Variants in HTT observed in about 807,000 individuals in gnomAD.
HTT encodes the protein huntingtin.
In HTT, 104 loss-of-function variants were observed where a neutral mutation model predicts 362.3. The observed-to-expected ratio is 0.29, with a 90% confidence interval of 0.24 to 0.34. The LOEUF (loss-of-function observed/expected upper bound fraction) is 0.34, where lower values mean the gene tolerates loss of function less well. Among genes scored for constraint, HTT ranks in the 10% least tolerant of loss-of-function variants. The pLI, the probability that HTT is intolerant of heterozygous loss-of-function variation, is 1.00. For missense variants in HTT, 3,301 were observed against 3,928.6 expected (o/e 0.84, Z 4.27); for synonymous variants, 1,577 against 1,548.7 (o/e 1.02, Z -0.43).
At chr4:3,169,664 C>T (rs763666827) in intron 29 of HTT, among the ~76,000 whole-genome samples, 1 of 152,000 alleles carries the variant, frequency 6.6e-6, no homozygotes, top group Non-Finnish European at 1.5e-5. Flanking sequence ...ACCTCCACCT[C>T]CCAGGCTCAA....
intron 35 of HTT, among the ~76,000 whole-genome samples, chr4:3,179,431 A>G (rs1718392025): frequency 6.6e-6 from 1 of 152,008 alleles, no homozygotes; most frequent in African/African-American, 2.4e-5. Context: ...CAGAGAGTAT[A>G]CCCATGCGTG....
At chr4:3,122,354 C>T (rs1019600984) in intron 9 of HTT, among the ~76,000 whole-genome samples, 8 of 152,214 alleles carry the variant, frequency 5.3e-5, no homozygotes, top group African/African-American at 1.7e-4. Context: ...GCAACGTGGT[C>T]GGTGTAGTGC....
At chr4:3,182,227 G>A (rs527973486) in intron 36 of HTT, 127 bp from the exon 37 acceptor site, 69 of 634,432 alleles carry the variant, frequency 1.1e-4, no homozygotes, top group African/African-American at 7.4e-4. Context: ...CCCTGTCCTC[G>A]CTGGGATCAC....
intron 2 of HTT, among the ~76,000 whole-genome samples, chr4:3,092,243 C>T (rs918057472): frequency 1.3e-5 from 2 of 152,064 alleles, no homozygotes; most frequent in Admixed American, 6.6e-5. Flanking sequence ...AGACTGGTCT[C>T]GAACTCCTGA....
intron 29 of HTT, among the ~76,000 whole-genome samples, chr4:3,171,764 A>G (rs1357808385): frequency 6.6e-6 from 1 of 152,216 alleles, no homozygotes; most frequent in African/African-American, 2.4e-5. Flanking sequence ...GGCGTGAGCC[A>G]CCACTCCCAG....
At chr4:3,164,227 T>C (rs1021213994) in intron 29 of HTT, among the ~76,000 whole-genome samples, 2 of 152,216 alleles carry the variant, frequency 1.3e-5, no homozygotes, top group Non-Finnish European at 2.9e-5. Flanking sequence ...TCCATGTAGT[T>C]GTGTGGTTTT....
intron 4 of HTT, among the ~76,000 whole-genome samples, chr4:3,104,790 G>T (rs1019779847): frequency 1.3e-5 from 2 of 152,108 alleles, no homozygotes; most frequent in Non-Finnish European, 2.9e-5. Flanking sequence ...TATAGTCTCA[G>T]CTACTTGGGA....
chr4:3,223,371 T>G (rs755186165), intron 54 of HTT, 35 bp from the exon 55 acceptor site: 18 of 1,537,118 alleles, frequency 1.2e-5, no homozygotes, highest in Non-Finnish European at 3.5e-6. Context: ...GTGGGTGTCT[T>G]GCTGCTCTTG....
intron 40 of HTT, among the ~76,000 whole-genome samples, chr4:3,196,868 C>T (rs1346776945): frequency 1.3e-5 from 2 of 152,192 alleles, no homozygotes; most frequent in South Asian, 2.1e-4. Context: ...GAAAAACAAA[C>T]CAGCACTTCC....
chr4:3,078,583 T>G (rs1258234945), intron 1 of HTT, among the ~76,000 whole-genome samples: 1 of 152,206 alleles, frequency 6.6e-6, no homozygotes, highest in East Asian at 1.9e-4. Flanking sequence ...TGTTTTGTTT[T>G]TTTTGAGACA....
chr4:3,206,599 G>A lies in HTT; in HGVS notation c.5822G>A (p.Ser1941Asn), dbSNP rs1560593094. The A allele has an allele frequency of 1.2e-6, 2 of 1,614,114 alleles. No individual in the cohort carries two copies. The highest frequency in any genetic ancestry group is 1.7e-6 in the Non-Finnish European group (2 of 1,180,026). ...GAGCCTCCAGTACAGGACTTCATCA[G>A]TGCCGTTCATCGGAACTCTGCTGCC... ...SHEPPVQDFISAVHRNSAASG... is the reference protein window; with the variant it reads ...SHEPPVQDFINAVHRNSAASG... Residue 1941 changes from serine (S) to asparagine (N), a missense_variant, in exon 43 of 67, where the codon AGT (serine) becomes AAT (asparagine). Ser to Asn is a conservative substitution (Grantham distance 46). Coordinates refer to ENST00000355072, the MANE Select transcript of HTT (RefSeq NM_001388492.1). The surrounding 1 kb of genome is among the most constrained non-coding windows in gnomAD (Gnocchi z 4.6).
chr4:3,180,441 G>A (rs1718458351), intron 35 of HTT, 74 bp from the exon 36 acceptor site: 1 of 1,335,732 alleles, frequency 7.5e-7, no homozygotes, highest in Admixed American at 2.4e-5. Flanking sequence ...AAAGCATTTT[G>A]TAGATGTTGA....
intron 40 of HTT, among the ~76,000 whole-genome samples, chr4:3,192,077 T>G (rs1190376356): frequency 6.6e-6 from 1 of 152,190 alleles, no homozygotes; most frequent in Non-Finnish European, 1.5e-5. Flanking sequence ...TTTTTAAATT[T>G]TATTTTAAAG....
intron 36 of HTT, among the ~76,000 whole-genome samples, chr4:3,181,505 T>C (rs1017860992): frequency 6.6e-6 from 1 of 152,166 alleles, no homozygotes; most frequent in Non-Finnish European, 1.5e-5. Flanking sequence ...AAATCTCTCT[T>C]TTTAAATGAC....
chr4:3,120,125 A>G (rs974722367), intron 8 of HTT, among the ~76,000 whole-genome samples: 1 of 152,094 alleles, frequency 6.6e-6, no homozygotes, highest in Admixed American at 6.5e-5. Context: ...TTTACTTTAT[A>G]CTCTTCTACA....
intron 53 of HTT, among the ~76,000 whole-genome samples, chr4:3,220,958 T>G (rs886240838): frequency 1.3e-5 from 2 of 152,252 alleles, no homozygotes; most frequent in Non-Finnish European, 2.9e-5. Flanking sequence ...TAAACAAATG[T>G]TACCCCTTAT....
intron 6 of HTT, among the ~76,000 whole-genome samples, chr4:3,109,335 T>A (rs1251322404): frequency 7.9e-6 from 1 of 126,158 alleles, no homozygotes; most frequent in East Asian, 2.2e-4. Flanking sequence ...CAAGCGATTC[T>A]CCTGCCTCAG....
chr4:3,150,394 G>A (rs1043446440), intron 26 of HTT, among the ~76,000 whole-genome samples: 6 of 152,176 alleles, frequency 3.9e-5, no homozygotes, highest in African/African-American at 1.2e-4. Flanking sequence ...CTGTTCTCCT[G>A]TCTTCAGTGT....
intron 2 of HTT, among the ~76,000 whole-genome samples, chr4:3,093,169 C>T (rs1027423441): frequency 6.6e-6 from 1 of 152,134 alleles, no homozygotes; most frequent in Non-Finnish European, 1.5e-5. Context: ...GGAAATGACC[C>T]AGGGCTGGAG....
Sources: allele counts gnomAD v4.1 joint callset (sites outside exome capture counted in the v4.1 genomes callset), GRCh38; gene constraint gnomAD v4.1.1; non-coding constraint Gnocchi (gnomAD v3.1); transcripts MANE v1.5; gene names NCBI Gene and HGNC (gene_info 2026-07-23, HGNC 2026-07-21).